Variants in MTMR1 observed in about 807,000 individuals in gnomAD.
MTMR1 encodes myotubularin related protein 1.
MTMR1 carries 17 observed loss-of-function variants against 51.6 expected under a neutral mutation model. The observed-to-expected ratio is 0.33, with a 90% CI of 0.23 to 0.49. The LOEUF (loss-of-function observed/expected upper bound fraction) is 0.49. Among genes scored for constraint, MTMR1 ranks in the 20% least tolerant of loss-of-function variants. The pLI is 0.99. For missense variants in MTMR1, 386 were observed against 526.9 expected (o/e 0.73, Z 2.62); for synonymous variants, 201 against 205.6 (o/e 0.98, Z 0.19).
intron 2 of MTMR1, among the ~76,000 whole-genome samples, chrX:150,711,041 A>G (rs1322637293): frequency 1.8e-5 from 2 of 112,372 alleles, no homozygotes; most frequent in African/African-American, 6.5e-5. Context: ...AACATATACT[A>G]CTTTTATTTA....
chrX:150,740,186 T>C (rs192652119), intron 12 of MTMR1, among the ~76,000 whole-genome samples: 26 of 111,844 alleles, frequency 2.3e-4, no homozygotes, highest in African/African-American at 8.5e-4. Flanking sequence ...AACAATGTCC[T>C]CAAAACTGTT....
rs2041552291 is a variant in MTMR1, at chrX:150,717,126, G to T, written c.277-1499G>T. Among the ~76,000 whole-genome samples the T allele has an allele frequency of 2.7e-5, 3 of 110,997 alleles. No homozygotes were observed. The Admixed American group carries it at 2.9e-4, about 11-fold the overall frequency. ...TGTAATCCCAGCACTTTGGGAGGCT[G>T]AGGTGGGCGGATCACCAGGTCAAGA... is the stretch of plus-strand genomic sequence containing the variant. On this transcript the variant is annotated intron_variant, in intron 3 of 15. Transcript: ENST00000445323.
At chrX:150,694,183 G>C (rs1374731469) in intron 1 of MTMR1, among the ~76,000 whole-genome samples, 1 of 111,633 alleles carries the variant, frequency 9.0e-6, no homozygotes, top group Non-Finnish European at 1.9e-5. Flanking sequence ...GTGGGAGCTG[G>C]TGCAGATCGA....
Position 150,762,809 on chromosome X carries a change from T to A in MTMR1, c.*80T>A. The A allele has an allele frequency of 4.9e-6, 5 of 1,025,377 alleles. No individual in the cohort carries two copies. The highest frequency in any genetic ancestry group is 6.4e-6 in the Non-Finnish European group (5 of 780,127). The allele number at this position is 1,025,377 out of a possible 1,213,427, so 84.5% of individuals were successfully genotyped here. ...TGGCGATCACTGTTATGGCTGTAGCTTGTGATCTTGTCTTTTAGGATTAGG... is the reference window on the plus strand; with the variant it reads ...TGGCGATCACTGTTATGGCTGTAGCATGTGATCTTGTCTTTTAGGATTAGG... On this transcript the variant is annotated 3_prime_UTR_variant, in exon 16 of 16. Transcript: ENST00000445323.
intron 3 of MTMR1, chrX:150,714,440 T>C (rs1557416324): frequency 1.1e-6 from 1 of 931,442 alleles, no homozygotes; most frequent in Non-Finnish European, 1.4e-6. Context: ...CTCTTTCTCC[T>C]CTTTGCCTTT....
chrX:150,718,986 A>C (rs782145101), intron 4 of MTMR1, among the ~76,000 whole-genome samples: 1 of 111,430 alleles, frequency 9.0e-6, no homozygotes, highest in Non-Finnish European at 1.9e-5. Flanking sequence ...GTGTAATGTC[A>C]GTTCACTGCT....
At chrX:150,740,607 TATC>T (rs1458643113) in intron 12 of MTMR1, among the ~76,000 whole-genome samples, 2 of 112,084 alleles carry the variant, frequency 1.8e-5, no homozygotes, top group African/African-American at 6.5e-5. Context: ...ACTCAGGCCT[TATC>T]AACCCCCTTA....
intron 14 of MTMR1, chrX:150,751,169 G>A: frequency 1.1e-6 from 1 of 900,907 alleles, no homozygotes; most frequent in East Asian, 7.3e-5. Flanking sequence ...TTCATCCTCT[G>A]TGGTGTTGGC....
intron 1 of MTMR1, among the ~76,000 whole-genome samples, chrX:150,696,004 G>T (rs897587800): frequency 4.5e-5 from 5 of 111,761 alleles, no homozygotes; most frequent in Non-Finnish European, 7.5e-5. Context: ...TGGCTGTGCT[G>T]CGCCCTGAGT....
chrX:150,737,436 C>T lies in MTMR1; in HGVS notation c.1461C>T (p.His487=), dbSNP rs782249837. Residue 487 remains histidine (H), a synonymous_variant, in exon 12 of 16, where the codon CAC becomes CAT. Coordinates refer to ENST00000445323, the MANE Select transcript of MTMR1 (RefSeq NM_001306144.3). ...LVEKEWISFG[H]RFALRVGHGN... is the part of the protein sequence containing the mutation. Reference sequence around the variant, plus strand: ...AAAAGGAGTGGATAAGCTTTGGACACAGGTTTGCACTGGTAAGTTCAGACA... The same window carrying T: ...AAAAGGAGTGGATAAGCTTTGGACATAGGTTTGCACTGGTAAGTTCAGACA... 5 of 1,209,597 alleles carry T rather than the reference C, an allele frequency of 4.1e-6. No individual in the cohort carries two copies. In the East Asian group the frequency reaches 1.5e-4, roughly 36 times the overall value.
chrX:150,736,766 C>T lies in MTMR1; in HGVS notation c.1252C>T (p.Leu418=), dbSNP rs1557417180. 8.3e-7 allele frequency: 1 copy of T among 1,204,603 alleles called. No homozygotes were observed. Among genetic ancestry groups the T allele is most frequent in the East Asian group, 3.0e-5 (1 of 33,744 alleles). ...WLSNVDGTHW[L]EYIRMLLAGA... ...CTCCAATGTGGATGGGACGCATTGG[C>T]TGGAATATATAAGGGTAAAGAGATC... The change falls in exon 11 of 16, where the codon CTG becomes TTG. Residue 418 remains leucine (L), a synonymous_variant. Coordinates refer to ENST00000445323, the MANE Select transcript of MTMR1 (RefSeq NM_001306144.3).
rs1483214563 is a variant in MTMR1 at position 150,742,884 on chromosome X, A to C, written c.1474-1477A>C. ...CTCAGCAAAATAAGCTAGCCACAAA[A>C]GGACAAATATTTATGTTTCCACTTA... is the stretch of plus-strand genomic sequence containing the variant. On this transcript the variant is annotated intron_variant, in intron 12 of 15. Transcript: ENST00000445323. Among the ~76,000 whole-genome samples the C allele has an allele frequency of 4.5e-5, 5 of 110,399 alleles. No homozygotes were observed. The Admixed American group carries it at 4.8e-4, about 11-fold the overall frequency.
intron 12 of MTMR1, among the ~76,000 whole-genome samples, chrX:150,738,242 C>T (rs781927615): frequency 1.8e-5 from 2 of 112,089 alleles, no homozygotes; most frequent in African/African-American, 6.5e-5. Flanking sequence ...ATTTGTCCTC[C>T]CATGACTGAG....
chrX:150,729,216 A>ACC (rs1230574970), intron 6 of MTMR1, among the ~76,000 whole-genome samples: 10 of 70,434 alleles, frequency 1.4e-4, no homozygotes, highest in Non-Finnish European at 2.6e-4. Flanking sequence ...TGACACACCC[A>ACC]CCCACACACA....
Position 150,702,492 on chromosome X carries a change from A to G in MTMR1, c.252+3192A>G, listed in dbSNP as rs1450724536. Among the ~76,000 whole-genome samples, 3 of 112,140 alleles carry G rather than the reference A, an allele frequency of 2.7e-5. No individual in the cohort carries two copies. The Admixed American group carries it at 2.8e-4, about 11-fold the overall frequency. On this transcript the variant is annotated intron_variant, in intron 2 of 15. Transcript: ENST00000445323. ...GAATAATTAGCAACTCAGATATTGG[A>G]GAATAATTATTTTATTATTTACTCA... is the stretch of plus-strand genomic sequence containing the variant.
At chrX:150,731,860 A>G (rs2042127573) in intron 9 of MTMR1, among the ~76,000 whole-genome samples, 1 of 112,240 alleles carries the variant, frequency 8.9e-6, no homozygotes, top group Non-Finnish European at 1.9e-5. Context: ...TCATACCCTC[A>G]AAAAGTAGTA....
chrX:150,693,818 C>G (rs2040568109), intron 1 of MTMR1, 142 bp downstream of exon 1: 1 of 335,753 alleles, frequency 3.0e-6, no homozygotes, highest in African/African-American at 2.8e-5. Flanking sequence ...CCTCTGGGCC[C>G]TCCTCCCCCC....
intron 15 of MTMR1, 92 bp downstream of exon 15, chrX:150,755,957 T>A: frequency 2.7e-6 from 2 of 743,814 alleles, no homozygotes; most frequent in Non-Finnish European, 2.0e-6. Context: ...TGGTAGATAT[T>A]AACATACCAT....
intron 2 of MTMR1, among the ~76,000 whole-genome samples, chrX:150,711,296 C>T (rs2041298199): frequency 8.9e-6 from 1 of 112,111 alleles, no homozygotes; most frequent in South Asian, 3.7e-4. Flanking sequence ...CTTTTAATGA[C>T]TTCAAAGATT....
Sources: gnomAD v4.1 joint callset for allele counts (sites outside exome capture counted in the v4.1 genomes callset) on GRCh38, gnomAD v4.1.1 for gene constraint, MANE v1.5 for transcripts, NCBI Gene and HGNC (gene_info 2026-07-23, HGNC 2026-07-21) for gene names.